PKP2: variants seen among roughly 807,000 people sequenced by gnomAD.
The protein encoded by PKP2 is plakophilin 2.
Under a neutral mutation model 83.4 loss-of-function variants are expected in PKP2, and 73 were observed. That is an observed-to-expected ratio of 0.88 (90% CI 0.72 to 1.06). The LOEUF is 1.06. Among genes scored for constraint, PKP2 ranks in the 50% least tolerant of loss-of-function variants. The pLI is 0.00. For missense variants in PKP2, 966 were observed against 1,065.4 expected, an observed-to-expected ratio of 0.91 and a Z score of 1.30; for synonymous variants, 409 against 430.4, an observed-to-expected ratio of 0.95 and a Z score of 0.62.
chr12:32,835,105 G>A (rs894310753), intron 6 of PKP2, among the ~76,000 whole-genome samples: 3 of 150,786 alleles, frequency 2.0e-5, no homozygotes, highest in Non-Finnish European at 4.4e-5. Flanking sequence ...CCGGACTGGA[G>A]TGCAGTGGCG....
chr12:32,865,172 G>GA (rs759285666), intron 4 of PKP2, among the ~76,000 whole-genome samples: 1 of 149,710 alleles, frequency 6.7e-6, no homozygotes, highest in Non-Finnish European at 1.5e-5. Context: ...GTCAGGAGTT[G>GA]GAGACCAGCC....
chr12:32,882,913 T>C (rs1165798428), intron 1 of PKP2, among the ~76,000 whole-genome samples: 1 of 152,180 alleles, frequency 6.6e-6, no homozygotes, highest in East Asian at 1.9e-4. Flanking sequence ...GACATTGTCA[T>C]TTATCAAGGC....
intron 6 of PKP2, among the ~76,000 whole-genome samples, chr12:32,826,198 C>T (rs1049680596): frequency 4.7e-5 from 7 of 149,632 alleles, no homozygotes; most frequent in South Asian, 4.2e-4. Context: ...CCCAGCTACT[C>T]GGGAAGCTGA....
At chr12:32,835,973 C>T (rs35292063) in intron 6 of PKP2, among the ~76,000 whole-genome samples, 20,053 of 152,120 alleles carry the variant, frequency 0.13, 1,447 homozygotes, top group South Asian at 0.21. Flanking sequence ...TAAAATACTC[C>T]CATCATGGCT....
At chr12:32,857,177 A>G (rs1956757265) in intron 4 of PKP2, among the ~76,000 whole-genome samples, 1 of 152,212 alleles carries the variant, frequency 6.6e-6, no homozygotes, top group Admixed American at 6.5e-5. Context: ...TAATCCTAGC[A>G]CTTTGGGAGG....
intron 6 of PKP2, among the ~76,000 whole-genome samples, chr12:32,831,057 C>T (rs1316427441): frequency 6.6e-6 from 1 of 152,104 alleles, no homozygotes; most frequent in African/African-American, 2.4e-5. Flanking sequence ...AGGACAGAAT[C>T]CCAAATTCCA....
chr12:32,883,178 C>T (rs1957000663), intron 1 of PKP2, among the ~76,000 whole-genome samples: 3 of 152,170 alleles, frequency 2.0e-5, no homozygotes, highest in African/African-American at 4.8e-5. Flanking sequence ...ATCACAGACA[C>T]TCTCCCTGTG....
intron 9 of PKP2, among the ~76,000 whole-genome samples, chr12:32,819,890 C>T (rs35113100): frequency 2.2e-5 from 2 of 90,328 alleles, no homozygotes; most frequent in Admixed American, 2.1e-4. Context: ...ACACAACCCC[C>T]CCCCCCCCAT....
chr12:32,828,933 T>TTTTTG (rs1192537122), intron 6 of PKP2, among the ~76,000 whole-genome samples: 2 of 152,064 alleles, frequency 1.3e-5, no homozygotes, highest in African/African-American at 4.8e-5. Flanking sequence ...CAGAAATTTT[T>TTTTTG]TTTTGTTTTG....
chr12:32,799,803 G>A (rs866685966), intron 10 of PKP2, among the ~76,000 whole-genome samples: 14 of 152,116 alleles, frequency 9.2e-5, no homozygotes, highest in Middle Eastern at 6.8e-3. Flanking sequence ...AAGGGGTGAG[G>A]GATAAAAGAC....
chr12:32,846,315 G>C (rs1956644332), intron 5 of PKP2, among the ~76,000 whole-genome samples: 1 of 152,156 alleles, frequency 6.6e-6, no homozygotes, highest in Non-Finnish European at 1.5e-5. Context: ...TAGTAAGGGA[G>C]AAAGAACAAT....
chr12:32,861,678 A>G (rs79286705), intron 4 of PKP2, among the ~76,000 whole-genome samples: 12,849 of 152,234 alleles, frequency 0.084, 762 homozygotes, highest in South Asian at 0.19. Flanking sequence ...TCACAAATCT[A>G]TGAAGCTCAG....
At chr12:32,840,926 T>C in intron 6 of PKP2, 102 bp downstream of exon 6, 1 of 818,632 alleles carries the variant, frequency 1.2e-6, no homozygotes, top group Non-Finnish European at 2.1e-6. Context: ...AAACAAACTG[T>C]GTAACTAGAA....
Position 32,878,437 on chromosome 12 carries a change from A to G in PKP2, c.443T>C (p.Leu148Pro). The G allele has an allele frequency of 6.2e-7, 1 of 1,614,026 alleles. No individual in the cohort carries two copies. The highest frequency in any genetic ancestry group is 2.2e-5 in the East Asian group (1 of 44,856). ...CGGGCTGCTGTCAGGAGAAATCTCC[A>G]GTCTCCTCAGAGGATGCCTCAAGGA... ...ERSLRHPLRR[L>P]EISPDSSPER... The change falls in exon 3 of 13, where the codon CTG becomes CCG. Residue 148 changes from leucine (L) to proline (P), a missense_variant. Transcript: ENST00000340811.
chr12:32,848,895 C>T (rs1956671519), intron 5 of PKP2, among the ~76,000 whole-genome samples: 2 of 151,048 alleles, frequency 1.3e-5, no homozygotes, highest in Admixed American at 6.6e-5. Context: ...TATTATATAA[C>T]TAAATGAAGC....
chr12:32,881,458 C>G (rs952090147), intron 1 of PKP2, among the ~76,000 whole-genome samples: 3 of 152,196 alleles, frequency 2.0e-5, no homozygotes, highest in African/African-American at 7.2e-5. Context: ...GATGGAGTCT[C>G]GCTATGTTGC....
chr12:32,837,488 T>C (rs900138723), intron 6 of PKP2, among the ~76,000 whole-genome samples: 1 of 152,186 alleles, frequency 6.6e-6, no homozygotes, highest in Admixed American at 6.5e-5. Flanking sequence ...ATGTTAGCTA[T>C]TATTGTTATA....
chr12:32,884,626 C>T (rs1957014358), intron 1 of PKP2, among the ~76,000 whole-genome samples: 1 of 152,084 alleles, frequency 6.6e-6, no homozygotes, highest in Non-Finnish European at 1.5e-5. Flanking sequence ...GAAAAGAAAA[C>T]TTTTCTCCTC....
At chr12:32,847,864 G>A (rs765103048) in intron 5 of PKP2, among the ~76,000 whole-genome samples, 22 of 152,010 alleles carry the variant, frequency 1.4e-4, no homozygotes, top group Non-Finnish European at 3.1e-4. Flanking sequence ...TACTGAGGAG[G>A]CTGAGGCAGG....
Sources: gnomAD v4.1 joint callset for allele counts (sites outside exome capture counted in the v4.1 genomes callset) on GRCh38, gnomAD v4.1.1 for gene constraint, MANE v1.5 for transcripts, NCBI Gene and HGNC (gene_info 2026-07-23, HGNC 2026-07-21) for gene names.